Variants in CYRIA observed in about 807,000 individuals in gnomAD.
CYRIA encodes the protein CYFIP related Rac1 interactor A.
In CYRIA, 15 loss-of-function variants were observed where a neutral mutation model predicts 43.9. The observed-to-expected ratio is 0.34, with a 90% CI of 0.23 to 0.53. CYRIA has a LOEUF of 0.53. Among genes scored for constraint, CYRIA ranks in the 20% least tolerant of loss-of-function variants. The probability of loss-of-function intolerance (pLI) is 0.94; values close to 1 mark genes in which losing one functional copy is unlikely to be tolerated. For synonymous variants in CYRIA, 117 were observed against 136.0 expected (o/e 0.86, Z 0.97); for missense variants, 236 against 394.2 (o/e 0.60, Z 3.40).
At chr2:16,656,172 C>T (rs1670106133) in intron 1 of CYRIA, among the ~76,000 whole-genome samples, 1 of 152,092 alleles carries the variant, frequency 6.6e-6, no homozygotes, top group South Asian at 2.1e-4. Context: ...CTTACACATA[C>T]ACCTGTACAC....
intron 2 of CYRIA, among the ~76,000 whole-genome samples, chr2:16,612,129 T>C (rs746754670): frequency 1.1e-4 from 17 of 152,116 alleles, no homozygotes; most frequent in Non-Finnish European, 2.1e-4. Context: ...AACTGGAACT[T>C]ACTTGTGATT....
intron 1 of CYRIA, among the ~76,000 whole-genome samples, chr2:16,641,404 T>C (rs887148672): frequency 1.3e-5 from 2 of 152,126 alleles, no homozygotes; most frequent in African/African-American, 4.8e-5. Flanking sequence ...TCTAAAATAT[T>C]CTTCTTTCTC....
rs151215851 is a variant in CYRIA, at chr2:16,649,296, T to C, written c.-167+16484A>G. 6.8e-4 allele frequency among the ~76,000 whole-genome samples: 104 copies of C among 152,258 alleles called. 2 individuals carry two copies. The highest frequency in any genetic ancestry group is 2.4e-3 in the African/African-American group (99 of 41,542). ...TATCTTGGGAGAGGGATGGTCTCTC[T>C]CCCAGGGACGATTACAGTACAGAGG... On this transcript the variant is annotated intron_variant, in intron 1 of 11. Coordinates refer to ENST00000381323, the MANE Select transcript of CYRIA (RefSeq NM_030797.4).
intron 1 of CYRIA, among the ~76,000 whole-genome samples, chr2:16,652,412 AT>A (rs1482637956): frequency 6.6e-6 from 1 of 152,106 alleles, no homozygotes; most frequent in African/African-American, 2.4e-5. Flanking sequence ...CTGGGGCCAA[AT>A]GCTTTTCTTA....
intron 3 of CYRIA, among the ~76,000 whole-genome samples, chr2:16,567,062 A>G (rs961378796): frequency 1.3e-5 from 2 of 152,152 alleles, no homozygotes; most frequent in Non-Finnish European, 2.9e-5. Context: ...GTGGGAGTAC[A>G]AGGGGCTGAT....
At chr2:16,557,027 A>G (rs1666548340) in intron 10 of CYRIA, among the ~76,000 whole-genome samples, 1 of 152,120 alleles carries the variant, frequency 6.6e-6, no homozygotes, top group Non-Finnish European at 1.5e-5. Flanking sequence ...GGGGTCTGGA[A>G]TTCTGGATAA....
At chr2:16,647,060 T>C (rs779741856) in intron 1 of CYRIA, among the ~76,000 whole-genome samples, 7 of 152,212 alleles carry the variant, frequency 4.6e-5, no homozygotes, top group Non-Finnish European at 1.0e-4. Context: ...TAAATCTCTT[T>C]CTATCTGTAG....
At chr2:16,654,154 C>T (rs750733317) in intron 1 of CYRIA, among the ~76,000 whole-genome samples, 1 of 152,164 alleles carries the variant, frequency 6.6e-6, no homozygotes, top group Non-Finnish European at 1.5e-5. Flanking sequence ...AAACCCCAAG[C>T]GCTCTATAAA....
At chr2:16,651,888 G>C (rs1669984609) in intron 1 of CYRIA, among the ~76,000 whole-genome samples, 1 of 152,100 alleles carries the variant, frequency 6.6e-6, no homozygotes, top group Admixed American at 6.5e-5. Context: ...TCTTCAAGGA[G>C]GCTGCTTGGA....
At chr2:16,582,298 T>C (rs923835963) in intron 3 of CYRIA, among the ~76,000 whole-genome samples, 60 of 152,324 alleles carry the variant, frequency 3.9e-4, no homozygotes, top group African/African-American at 1.3e-3. Context: ...AAGAAAAGAA[T>C]TGGATCTTCC....
chr2:16,563,856 T>C (rs1382928886), intron 5 of CYRIA, 133 bp downstream of exon 5: 3 of 613,756 alleles, frequency 4.9e-6, no homozygotes, highest in Non-Finnish European at 8.5e-6. Flanking sequence ...TTGTTGCTCA[T>C]AAATGGCCTC....
intron 1 of CYRIA, among the ~76,000 whole-genome samples, chr2:16,643,519 T>C (rs13395539): frequency 0.13 from 19,258 of 152,260 alleles, 3,215 homozygotes; most frequent in African/African-American, 0.38. Flanking sequence ...CATAAACTTT[T>C]AAGACACACA....
rs1300406501 is a variant in CYRIA at position 16,551,291 on chromosome 2, C to A, written c.*1645G>T. ...CTTATAGCTCATTCCTGGGATGTTG[C>A]AAATAATGCCAAACTCTGATGTACT... On this transcript the variant is annotated 3_prime_UTR_variant, in exon 12 of 12. Coordinates refer to ENST00000381323, the MANE Select transcript of CYRIA (RefSeq NM_030797.4). 3 of 152,112 alleles carry A rather than the reference C, an allele frequency of 2.0e-5. No homozygotes were observed. The highest frequency in any genetic ancestry group is 7.2e-5 in the African/African-American group (3 of 41,426). The allele number at this position is 152,112 out of a possible 1,614,324, so 9.4% of individuals were successfully genotyped here. A position where few individuals can be genotyped will look rare whatever the true frequency, so the allele number is the denominator to read the frequency against.
intron 2 of CYRIA, among the ~76,000 whole-genome samples, chr2:16,621,978 G>A (rs147091087): frequency 2.1e-4 from 32 of 152,246 alleles, no homozygotes; most frequent in Middle Eastern, 3.4e-3. Context: ...AAGATAGTGC[G>A]AGCCACCCAC....
At chr2:16,555,224 T>C in intron 10 of CYRIA, 85 bp from the exon 11 acceptor site, 4 of 1,225,756 alleles carry the variant, frequency 3.3e-6, no homozygotes, top group Non-Finnish European at 4.7e-6. Context: ...GTGCCCATAA[T>C]GTCACATTAT....
intron 3 of CYRIA, among the ~76,000 whole-genome samples, chr2:16,584,188 T>C (rs1667646335): frequency 6.6e-6 from 1 of 152,168 alleles, no homozygotes; most frequent in South Asian, 2.1e-4. Context: ...GACAGCTCAC[T>C]GCCTAATTCA....
chr2:16,639,202 C>A (rs1315522599), intron 1 of CYRIA, among the ~76,000 whole-genome samples: 2 of 152,222 alleles, frequency 1.3e-5, no homozygotes, highest in Non-Finnish European at 2.9e-5. Context: ...ATGTTCTGGG[C>A]TAACTTTCTG....
At chr2:16,577,534 T>C (rs2103439974) in intron 3 of CYRIA, among the ~76,000 whole-genome samples, 1 of 152,302 alleles carries the variant, frequency 6.6e-6, no homozygotes, top group East Asian at 1.9e-4. Context: ...GTGACAAGAC[T>C]TTCCTAGGAG....
At chr2:16,582,090 C>T (rs1475454799) in intron 3 of CYRIA, among the ~76,000 whole-genome samples, 1 of 152,112 alleles carries the variant, frequency 6.6e-6, no homozygotes, top group African/African-American at 2.4e-5. Context: ...ATGGAACTTT[C>T]TGGAGTGACA....
Sources: allele counts gnomAD v4.1 joint callset (sites outside exome capture counted in the v4.1 genomes callset), GRCh38; gene constraint gnomAD v4.1.1; transcripts MANE v1.5; gene names NCBI Gene and HGNC (gene_info 2026-07-23, HGNC 2026-07-21).